PIGK: variants seen among roughly 807,000 people sequenced by gnomAD.
The protein encoded by PIGK is GPI-anchor transamidase.
PIGK carries 42 observed loss-of-function variants against 50.6 expected under a neutral mutation model. The observed-to-expected ratio is 0.83, with a 90% CI of 0.65 to 1.07. The LOEUF (loss-of-function observed/expected upper bound fraction) is 1.07. Among genes scored for constraint, PIGK ranks in the 50% least tolerant of loss-of-function variants. PIGK has a pLI of 0.00. For missense variants in PIGK, 448 were observed against 488.7 expected (o/e 0.92, Z 0.78); for synonymous variants, 151 against 156.0 (o/e 0.97, Z 0.24).
chr1:77,149,351 A>G (rs180974516), intron 9 of PIGK, among the ~76,000 whole-genome samples: 259 of 152,234 alleles, frequency 1.7e-3, no homozygotes, highest in African/African-American at 6.0e-3. Context: ...TATGTTGCCT[A>G]CAAGAAACTC....
chr1:77,178,687 T>C (rs1374417976), intron 3 of PIGK, among the ~76,000 whole-genome samples: 3 of 152,196 alleles, frequency 2.0e-5, no homozygotes, highest in Admixed American at 6.5e-5. Context: ...TCCAAACTCT[T>C]CATATTGTCC....
intron 1 of PIGK, among the ~76,000 whole-genome samples, chr1:77,215,617 C>T (rs1460883041): frequency 6.6e-6 from 1 of 152,152 alleles, no homozygotes; most frequent in Non-Finnish European, 1.5e-5. Flanking sequence ...GATATCTACA[C>T]TCCATATTTA....
intron 10 of PIGK, among the ~76,000 whole-genome samples, chr1:77,093,098 C>T (rs537064951): frequency 4.6e-5 from 7 of 152,190 alleles, no homozygotes; most frequent in Admixed American, 2.0e-4. Context: ...ACTCAAATGC[C>T]TCCTCCAGAC....
At chr1:77,123,506 T>C (rs1654152374) in intron 9 of PIGK, among the ~76,000 whole-genome samples, 1 of 151,994 alleles carries the variant, frequency 6.6e-6, no homozygotes, top group Admixed American at 6.6e-5. Context: ...TTGCAGAATT[T>C]GCATAAAAAT....
chr1:77,133,239 A>G (rs977235656), intron 9 of PIGK, among the ~76,000 whole-genome samples: 30 of 152,040 alleles, frequency 2.0e-4, no homozygotes, highest in African/African-American at 7.0e-4. Flanking sequence ...ACTGTCTTCA[A>G]GTTCACTAAT....
At chr1:77,168,322 T>C (rs545367222) in intron 4 of PIGK, among the ~76,000 whole-genome samples, 1 of 152,254 alleles carries the variant, frequency 6.6e-6, no homozygotes, top group South Asian at 2.1e-4. Context: ...AGAACATGAG[T>C]GTATAAATTG....
intron 3 of PIGK, among the ~76,000 whole-genome samples, chr1:77,170,025 G>C (rs1655325372): frequency 6.6e-6 from 1 of 152,172 alleles, no homozygotes; most frequent in African/African-American, 2.4e-5. Flanking sequence ...CTTCTGGCTA[G>C]ATGCTGGAAT....
intron 3 of PIGK, among the ~76,000 whole-genome samples, chr1:77,203,785 C>A (rs560702655): frequency 6.6e-6 from 1 of 152,290 alleles, no homozygotes; most frequent in African/African-American, 2.4e-5. Flanking sequence ...GTCTTTACTG[C>A]AATCTCTGAA....
At chr1:77,117,053 G>A (rs1290028563) in intron 10 of PIGK, among the ~76,000 whole-genome samples, 1 of 152,122 alleles carries the variant, frequency 6.6e-6, no homozygotes, top group Admixed American at 6.5e-5. Context: ...CCATTCCACT[G>A]ACTGCAGACA....
chr1:77,164,728 C>T (rs1000423308), intron 5 of PIGK, among the ~76,000 whole-genome samples: 1 of 151,928 alleles, frequency 6.6e-6, no homozygotes, highest in Non-Finnish European at 1.5e-5. Flanking sequence ...TCAGTTCCCA[C>T]TTAACACCCT....
intron 3 of PIGK, among the ~76,000 whole-genome samples, chr1:77,185,702 C>A (rs187060519): frequency 6.2e-4 from 95 of 152,328 alleles, no homozygotes; most frequent in African/African-American, 2.2e-3. Context: ...CAGGTCCAGG[C>A]TGCTGTGCAA....
chr1:77,093,636 C>G (rs1208532413), intron 10 of PIGK, among the ~76,000 whole-genome samples: 1 of 152,048 alleles, frequency 6.6e-6, no homozygotes, highest in East Asian at 1.9e-4. Context: ...ATAAACTGAC[C>G]TACCAACGTT....
chr1:77,115,031 C>T (rs1241145446), intron 10 of PIGK, among the ~76,000 whole-genome samples: 5 of 152,098 alleles, frequency 3.3e-5, no homozygotes, highest in Non-Finnish European at 5.9e-5. Context: ...GAGATTTCTA[C>T]TTGATAGACA....
chr1:77,180,711 TGGG>T (rs952265572), intron 3 of PIGK, among the ~76,000 whole-genome samples: 1 of 16,854 alleles, frequency 5.9e-5, no homozygotes, highest in South Asian at 2.3e-3. Flanking sequence ...TAGAAGTGGG[TGGG>T]GGTGGGGGGG....
intron 3 of PIGK, among the ~76,000 whole-genome samples, chr1:77,183,477 T>C (rs1375087060): frequency 6.6e-6 from 1 of 152,138 alleles, no homozygotes; most frequent in Admixed American, 6.6e-5. Flanking sequence ...TGCTTTCAGA[T>C]CTATAACAAG....
In PIGK at chr1:77,190,882, T is replaced by C. The variant is rs530262084; in HGVS notation, c.239+15758A>G. Among the ~76,000 whole-genome samples the C allele has an allele frequency of 2.0e-5, 3 of 152,294 alleles. No homozygotes were observed. In the East Asian group the frequency reaches 5.8e-4, roughly 29 times the overall value. On this transcript the variant is annotated intron_variant, in intron 3 of 10. Transcript: ENST00000370812. Reference sequence around the variant, plus strand: ...AGTAGCCTACACCTTAAATCTTCACTGCTTCACCTCTACCTTCAAATATTC... The same window carrying C: ...AGTAGCCTACACCTTAAATCTTCACCGCTTCACCTCTACCTTCAAATATTC...
chr1:77,120,631 T>C (rs1481954774), intron 10 of PIGK, among the ~76,000 whole-genome samples: 1 of 152,188 alleles, frequency 6.6e-6, no homozygotes. Context: ...TAAGTTGTAG[T>C]ACTGTCAAAA....
chr1:77,142,130 T>C (rs1393561685), intron 9 of PIGK, among the ~76,000 whole-genome samples: 2 of 152,130 alleles, frequency 1.3e-5, no homozygotes, highest in Non-Finnish European at 2.9e-5. Flanking sequence ...TTGTTTTTTG[T>C]TTTGTTTTGT....
intron 10 of PIGK, among the ~76,000 whole-genome samples, chr1:77,093,672 T>A (rs1291458183): frequency 2.0e-5 from 3 of 152,138 alleles, no homozygotes; most frequent in East Asian, 1.9e-4. Context: ...CCATCTTCAT[T>A]CCTATGCTTA....
Sources: gnomAD v4.1 joint callset for allele counts (sites outside exome capture counted in the v4.1 genomes callset) on GRCh38, gnomAD v4.1.1 for gene constraint, MANE v1.5 for transcripts, NCBI Gene and HGNC (gene_info 2026-07-23, HGNC 2026-07-21) for gene names.